RNF212: variants seen among roughly 807,000 people sequenced by gnomAD.
RNF212 encodes ring finger protein 212, also known as probable E3 SUMO-protein ligase RNF212.
Under a neutral mutation model 34.7 loss-of-function variants are expected in RNF212, and 33 were observed. The ratio of observed to expected loss-of-function variants is 0.95; its 90% CI spans 0.72 to 1.27. The LOEUF (loss-of-function observed/expected upper bound fraction) is 1.27. Ranked by LOEUF, RNF212 falls within the 50% of genes most tolerant of loss-of-function variation. The probability of loss-of-function intolerance (pLI) is 0.00; values close to 1 mark genes in which losing one functional copy is unlikely to be tolerated. For synonymous variants in RNF212, 140 were observed against 136.1 expected, an observed-to-expected ratio of 1.03 and a Z score of -0.20; for missense variants, 377 against 362.2, an observed-to-expected ratio of 1.04 and a Z score of -0.33.
chr4:1,101,992 G>A (rs1724057655), intron 2 of RNF212, among the ~76,000 whole-genome samples: 2 of 152,118 alleles, frequency 1.3e-5, no homozygotes, highest in African/African-American at 4.8e-5. Context: ...ATGGGTCACA[G>A]GAGAAACTGA....
intron 3 of RNF212, among the ~76,000 whole-genome samples, chr4:1,061,393 GGT>G (rs1437328513): frequency 1.3e-5 from 2 of 152,178 alleles, no homozygotes; most frequent in African/African-American, 4.8e-5. Context: ...GCTGGGGAGG[GGT>G]AAGGAGGGCA....
chr4:1,081,261 G>T (rs902028731), intron 7 of RNF212, among the ~76,000 whole-genome samples, 158 bp downstream of exon 7: 2 of 152,062 alleles, frequency 1.3e-5, no homozygotes, highest in Non-Finnish European at 2.9e-5. Context: ...GAGCCTCGCA[G>T]GGAGATGAAA....
In RNF212 at chr4:1,085,966, T is replaced by C; in HGVS notation, c.304-12A>G. On this transcript the variant is annotated splice_polypyrimidine_tract_variant and intron_variant, in intron 4 of 9. Transcript: ENST00000433731. ...TCCAACCTAGAAATCTAAACATAAT[T>C]ACACAACCTCTTGTTATCAGACAGG... is the stretch of plus-strand genomic sequence containing the variant. The C allele has an allele frequency of 6.3e-6, 10 of 1,583,754 alleles. No homozygotes were observed. The highest frequency in any genetic ancestry group is 8.7e-6 in the Non-Finnish European group (10 of 1,153,274).
At chr4:1,075,342 CTCA>C (rs1238549822) in intron 8 of RNF212, among the ~76,000 whole-genome samples, 1 of 152,232 alleles carries the variant, frequency 6.6e-6, no homozygotes, top group African/African-American at 2.4e-5. Flanking sequence ...GTTTAACTGG[CTCA>C]TGCTTCTGAG....
At chr4:1,061,769 TAGGTCC>T (rs1244340641) in intron 3 of RNF212, among the ~76,000 whole-genome samples, 3 of 152,314 alleles carry the variant, frequency 2.0e-5, no homozygotes, top group East Asian at 3.9e-4. Context: ...TTCTCCAGCT[TAGGTCC>T]AGGTAAAATA....
At chr4:1,107,544 G>C (rs79830754) in intron 2 of RNF212, among the ~76,000 whole-genome samples, 1 of 150,184 alleles carries the variant, frequency 6.7e-6, no homozygotes, top group East Asian at 2.0e-4. Flanking sequence ...TCCGCCTCCC[G>C]GGTTCACGCA....
In RNF212 at chr4:1,113,357, T is replaced by C. The variant is rs1469007250; in HGVS notation, c.108A>G (p.Lys36=). 2.1e-6 allele frequency: 3 copies of C among 1,407,380 alleles called. No individual in the cohort carries two copies. Among genetic ancestry groups the C allele is most frequent in the East Asian group, 3.7e-5 (1 of 26,906 alleles). The allele number at this position is 1,407,380 out of a possible 1,614,324, so 87.2% of individuals were successfully genotyped here. ...AGCCTGCGTTCGGGAAGCCCTGACC[T>C]TTGCCGAGGCAGGCGTCGCAGTACA... ...GHVYCDACLG[K]GKKNECLICK... Residue 36 remains lysine, a splice_region_variant and synonymous_variant, in exon 1 of 10, where the codon AAA becomes AAG. Transcript: ENST00000433731.
intron 5 of RNF212, among the ~76,000 whole-genome samples, chr4:1,083,012 G>A (rs1720600519): frequency 6.6e-6 from 1 of 152,204 alleles, no homozygotes; most frequent in Non-Finnish European, 1.5e-5. Context: ...GGGCAAGACG[G>A]GGTCGGGGGC....
intron 1 of RNF212, 47 bp downstream of exon 1, chr4:1,113,309 C>T: frequency 7.5e-7 from 1 of 1,331,982 alleles, no homozygotes; most frequent in Non-Finnish European, 1.0e-6. Context: ...CCCTGACCCC[C>T]TTGCCGCTCC....
chr4:1,061,566 A>G (rs1156734345), intron 3 of RNF212, among the ~76,000 whole-genome samples: 2 of 152,220 alleles, frequency 1.3e-5, no homozygotes, highest in African/African-American at 2.4e-5. Flanking sequence ...CTGACTGGAT[A>G]TCGGCTCCCC....
rs144983110 is a variant in RNF212, at chr4:1,097,760, G to A, written c.172-921C>T. On this transcript the variant is annotated intron_variant, in intron 2 of 9. Coordinates refer to ENST00000433731, the MANE Select transcript of RNF212 (RefSeq NM_001131034.4). ...CAGCTGTCCTAGGCATGGAGCTGCC[G>A]TGAGCTAGAATCGCTTGAGCAGTCC... Among the ~76,000 whole-genome samples, 221 of 152,254 alleles carry A rather than the reference G, an allele frequency of 1.5e-3. 1 individual carries two copies. The highest frequency in any genetic ancestry group is 4.9e-3 in the African/African-American group (205 of 41,546).
chr4:1,090,907 G>A (rs1722087467), intron 3 of RNF212, 69 bp from the exon 4 acceptor site: 1 of 998,688 alleles, frequency 1.0e-6, no homozygotes, highest in South Asian at 1.3e-5. Flanking sequence ...TTTGTTGGGG[G>A]AGGAGGAGGC....
chr4:1,090,973 C>A (rs1240491627), intron 3 of RNF212, 135 bp from the exon 4 acceptor site: 1 of 619,812 alleles, frequency 1.6e-6, no homozygotes, highest in Non-Finnish European at 2.9e-6. Context: ...CCTGCCCCCA[C>A]AGACGCCCAT....
intron 4 of RNF212, 143 bp downstream of exon 4, chr4:1,090,639 G>A (rs938710197): frequency 2.0e-5 from 13 of 645,216 alleles, no homozygotes; most frequent in African/African-American, 7.4e-5. Flanking sequence ...CAGTGACAAC[G>A]TCCCCATAGC....
At chr4:1,109,069 G>A (rs1240565592) in intron 1 of RNF212, among the ~76,000 whole-genome samples, 3 of 146,810 alleles carry the variant, frequency 2.0e-5, no homozygotes, top group Non-Finnish European at 3.0e-5. Flanking sequence ...GTGTAATGAC[G>A]CGATCTTGGC....
intron 4 of RNF212, among the ~76,000 whole-genome samples, chr4:1,087,446 T>G (rs922758212): frequency 4.5e-5 from 2 of 43,990 alleles, no homozygotes; most frequent in Admixed American, 2.8e-4. Flanking sequence ...TAGGATGGGG[T>G]GGGGTGACAA....
At chr4:1,107,974 A>G (rs1417823231) in intron 2 of RNF212, among the ~76,000 whole-genome samples, 1 of 152,238 alleles carries the variant, frequency 6.6e-6, no homozygotes, top group Non-Finnish European at 1.5e-5. Flanking sequence ...AGCCTGCAGC[A>G]GTAATTGATT....
intron 2 of RNF212, among the ~76,000 whole-genome samples, chr4:1,107,957 T>C (rs1405613881): frequency 6.6e-6 from 1 of 152,210 alleles, no homozygotes; most frequent in African/African-American, 2.4e-5. Context: ...CAAAAGGCAT[T>C]GTTTTAAGCC....
chr4:1,089,526 A>G lies in RNF212; in HGVS notation c.303+1256T>C, dbSNP rs531342421. On this transcript the variant is annotated intron_variant, in intron 4 of 9. Coordinates refer to ENST00000433731, the MANE Select transcript of RNF212 (RefSeq NM_001131034.4). ...GGACTTCTGAGTTTATGCGGGAATGAGTTAAAACTTTGGGGGACTGCTGGG... is the reference window on the plus strand; with the variant it reads ...GGACTTCTGAGTTTATGCGGGAATGGGTTAAAACTTTGGGGGACTGCTGGG... Among the ~76,000 whole-genome samples the G allele has an allele frequency of 3.3e-5, 5 of 152,304 alleles. No individual in the cohort carries two copies. The East Asian group carries it at 9.6e-4, about 29-fold the overall frequency.
Sources: allele counts gnomAD v4.1 joint callset (sites outside exome capture counted in the v4.1 genomes callset), GRCh38; gene constraint gnomAD v4.1.1; transcripts MANE v1.5; gene names NCBI Gene and HGNC (gene_info 2026-07-23, HGNC 2026-07-21).